The following PLPBP variants were observed in gnomAD, a reference collection of about 807,000 sequenced individuals.
The protein encoded by PLPBP is pyridoxal phosphate binding protein, also known as pyridoxal phosphate homeostasis protein.
Under a neutral mutation model 31.2 loss-of-function variants are expected in PLPBP, and 21 were observed. The observed-to-expected ratio is 0.67, with a 90% CI of 0.48 to 0.97. PLPBP has a LOEUF of 0.97. PLPBP is among the 50% of genes least tolerant of loss of function. The pLI, the probability that PLPBP is intolerant of heterozygous loss-of-function variation, is 0.00. For synonymous variants in PLPBP, 124 were observed against 135.6 expected, an observed-to-expected ratio of 0.91 and a Z score of 0.59; for missense variants, 308 against 354.4, an observed-to-expected ratio of 0.87 and a Z score of 1.05.
At chr8:37,776,147 C>A in intron 7 of PLPBP, 131 bp downstream of exon 7, 1 of 786,840 alleles carries the variant, frequency 1.3e-6, no homozygotes, top group Non-Finnish European at 2.1e-6. Context: ...TACCCAGTGT[C>A]AGCTATTCCA....
At chr8:37,773,616 G>A (rs375923291) in intron 5 of PLPBP, among the ~76,000 whole-genome samples, 4 of 151,878 alleles carry the variant, frequency 2.6e-5, no homozygotes, top group South Asian at 4.2e-4. Context: ...TTACAGGCAC[G>A]CGCTACCACG....
chr8:37,768,423 C>A (rs1182786646), intron 4 of PLPBP, among the ~76,000 whole-genome samples: 1 of 148,836 alleles, frequency 6.7e-6, no homozygotes, highest in Non-Finnish European at 1.5e-5. Flanking sequence ...ATATATTGGA[C>A]TCAAAAAATG....
chr8:37,762,831 G>A (rs1335359926), intron 1 of PLPBP, 73 bp downstream of exon 1: 16 of 1,502,134 alleles, frequency 1.1e-5, no homozygotes, highest in South Asian at 1.2e-5. Context: ...GGAATGGGTC[G>A]TCACGGTGAC....
At chr8:37,764,509 A>T (rs1803572790) in intron 1 of PLPBP, among the ~76,000 whole-genome samples, 1 of 152,084 alleles carries the variant, frequency 6.6e-6, no homozygotes, top group Non-Finnish European at 1.5e-5. Flanking sequence ...TTTAATAGAG[A>T]TGGGGTTTCA....
chr8:37,777,326 T>C (rs1443759136), intron 7 of PLPBP, among the ~76,000 whole-genome samples: 1 of 152,218 alleles, frequency 6.6e-6, no homozygotes, highest in African/African-American at 2.4e-5. Flanking sequence ...ATTTTTTTCA[T>C]CTACCTGACC....
Position 37,762,731 on chromosome 8 carries a change from G to C in PLPBP, c.72G>C (p.Val24=). The C allele has an allele frequency of 6.3e-7, 1 of 1,584,458 alleles. No homozygotes were observed. The highest frequency in any genetic ancestry group is 8.5e-7 in the Non-Finnish European group (1 of 1,170,784). Residue 24 remains valine, a synonymous_variant, in exon 1 of 8, where the codon GTG becomes GTC. Transcript: ENST00000328195. ...GCALRAVNER[V]QQAVARRPRD... is the part of the protein sequence containing the mutation. The stretch of plus-strand genomic sequence containing the variant: ...CATTGCGGGCGGTGAACGAGCGCGT[G>C]CAGCAGGCTGTGGCGCGGCGGCCGC...
In PLPBP at chr8:37,775,856, A is replaced by G. The variant is rs942040078; in HGVS notation, c.598-62A>G. The G allele has an allele frequency of 3.5e-6, 5 of 1,442,890 alleles. No homozygotes were observed. In the African/African-American group the frequency reaches 7.0e-5, roughly 20 times the overall value. 89.4% of individuals were successfully genotyped at this position (1,442,890 alleles called of 1,614,324 possible). On this transcript the variant is annotated intron_variant, in intron 6 of 7. Transcript: ENST00000328195. ...ACCGTTGTCAGAGAAGTTCAGATTC[A>G]GACACTTTTGGGCATCGTTAGAGAA...
At chr8:37,776,614 A>T (rs1484781741) in intron 7 of PLPBP, among the ~76,000 whole-genome samples, 1 of 151,992 alleles carries the variant, frequency 6.6e-6, no homozygotes, top group Non-Finnish European at 1.5e-5. Context: ...AATTATAATT[A>T]TAATTTCATA....
chr8:37,774,143 G>A (rs1803844070), intron 5 of PLPBP, among the ~76,000 whole-genome samples: 1 of 152,026 alleles, frequency 6.6e-6, no homozygotes, highest in Non-Finnish European at 1.5e-5. Context: ...CCCAGGAGGT[G>A]AATATTGCAG....
intron 7 of PLPBP, among the ~76,000 whole-genome samples, chr8:37,776,544 AT>A (rs1803919563): frequency 6.6e-6 from 1 of 151,516 alleles, no homozygotes; most frequent in Admixed American, 6.6e-5. Context: ...ATAGCCTGAC[AT>A]CTGAACTTTT....
At chr8:37,771,164 T>G (rs2129794412) in intron 4 of PLPBP, among the ~76,000 whole-genome samples, 1 of 152,110 alleles carries the variant, frequency 6.6e-6, no homozygotes, top group Admixed American at 6.5e-5. Context: ...GTCTTTCTAG[T>G]CTTGCTCTGT....
At chr8:37,766,633 C>T in intron 4 of PLPBP, 1 of 1,057,500 alleles carries the variant, frequency 9.5e-7, no homozygotes, top group Non-Finnish European at 1.1e-6. Flanking sequence ...GAATTGTAGC[C>T]CATAAATTTT....
At chr8:37,775,207 G>T in intron 5 of PLPBP, 132 bp from the exon 6 acceptor site, 1 of 1,003,804 alleles carries the variant, frequency 1.0e-6, no homozygotes. Context: ...TTACTCTTTA[G>T]GACTTGAGGC....
chr8:37,772,677 C>G (rs987780231), intron 4 of PLPBP, 78 bp from the exon 5 acceptor site: 12 of 1,539,798 alleles, frequency 7.8e-6, no homozygotes, highest in Non-Finnish European at 1.1e-5. Flanking sequence ...TTTCCTCTAA[C>G]AAGTCAGAGA....
intron 4 of PLPBP, among the ~76,000 whole-genome samples, chr8:37,769,639 T>C (rs913764094): frequency 3.9e-5 from 6 of 152,002 alleles, no homozygotes; most frequent in Non-Finnish European, 8.8e-5. Flanking sequence ...ATCAGATTTG[T>C]AAAAAATCAA....
intron 4 of PLPBP, chr8:37,766,626 T>C (rs987282689): frequency 6.8e-5 from 73 of 1,077,782 alleles, no homozygotes; most frequent in Non-Finnish European, 8.1e-5. Context: ...TTATAAAGAA[T>C]TGTAGCCCAT....
intron 1 of PLPBP, among the ~76,000 whole-genome samples, chr8:37,763,325 T>G (rs1803533989): frequency 6.6e-6 from 1 of 152,156 alleles, no homozygotes; most frequent in African/African-American, 2.4e-5. Flanking sequence ...CTTTTGTGTA[T>G]ATATATATTA....
chr8:37,775,807 C>T, intron 6 of PLPBP, 111 bp from the exon 7 acceptor site: 1 of 1,161,554 alleles, frequency 8.6e-7, no homozygotes, highest in East Asian at 2.4e-5. Context: ...TTTTGGCAGG[C>T]CTTGAAATCA....
At position 37,772,899 on chromosome 8, in the gene PLPBP, C is replaced by G. The variant is rs374439904; in HGVS notation, c.454+10C>G. On this transcript the variant is annotated intron_variant, in intron 5 of 7. Transcript: ENST00000328195. ...ACCAGCGGAGAAGAGAGTAAGTAAC[C>G]AGACCTGAATTGTAGATTTTTCTTC... is the stretch of plus-strand genomic sequence containing the variant. The G allele has an allele frequency of 1.2e-6, 2 of 1,614,000 alleles. No homozygotes were observed. The highest frequency in any genetic ancestry group is 8.5e-7 in the Non-Finnish European group (1 of 1,179,942).
Sources: gnomAD v4.1 joint callset for allele counts (sites outside exome capture counted in the v4.1 genomes callset) on GRCh38, gnomAD v4.1.1 for gene constraint, MANE v1.5 for transcripts, NCBI Gene and HGNC (gene_info 2026-07-23, HGNC 2026-07-21) for gene names.